Variants in EGFLAM observed in about 807,000 individuals in gnomAD.
EGFLAM encodes EGF like, fibronectin type III and laminin G domains, also known as pikachurin.
Under a neutral mutation model 113.1 loss-of-function variants are expected in EGFLAM, and 79 were observed. The ratio of observed to expected loss-of-function variants is 0.70; its 90% confidence interval spans 0.58 to 0.84. The LOEUF is 0.84. Ranked by LOEUF, EGFLAM falls within the 40% of genes least tolerant of loss-of-function variation. EGFLAM has a pLI of 0.00. For synonymous variants in EGFLAM, 504 were observed against 487.6 expected (o/e 1.03, Z -0.44); for missense variants, 1,265 against 1,291.6 (o/e 0.98, Z 0.32).
intron 13 of EGFLAM, 110 bp downstream of exon 13, chr5:38,425,202 A>G: frequency 2.0e-6 from 3 of 1,472,950 alleles, no homozygotes; most frequent in Non-Finnish European, 2.7e-6. Flanking sequence ...TTTTTGAGAC[A>G]AAGGCTCCCT....
chr5:38,274,840 T>C (rs1292231444), intron 1 of EGFLAM, among the ~76,000 whole-genome samples: 1 of 152,222 alleles, frequency 6.6e-6, no homozygotes, highest in Non-Finnish European at 1.5e-5. Context: ...ATAAATCACT[T>C]ACATCCTTAG....
chr5:38,400,968 C>T (rs1741095761), intron 6 of EGFLAM: 2 of 152,162 alleles, frequency 1.3e-5, no homozygotes, highest in Non-Finnish European at 2.9e-5. Flanking sequence ...CCTTCTTCTT[C>T]CGTACCCTAT....
chr5:38,283,299 A>C (rs985913057), intron 1 of EGFLAM, among the ~76,000 whole-genome samples: 2 of 152,084 alleles, frequency 1.3e-5, no homozygotes, highest in African/African-American at 4.8e-5. Context: ...GAAAAGCTTT[A>C]TTCATTTGTG....
At chr5:38,394,347 A>T (rs1429297962) in intron 6 of EGFLAM, among the ~76,000 whole-genome samples, 2 of 151,810 alleles carry the variant, frequency 1.3e-5, no homozygotes, top group African/African-American at 4.8e-5. Context: ...TTCAGTCCAA[A>T]TCAATTCCTT....
At chr5:38,454,370 G>GCA (rs10640654) in intron 19 of EGFLAM, among the ~76,000 whole-genome samples, 14,751 of 152,074 alleles carry the variant, frequency 0.097, 2,310 homozygotes, top group African/African-American at 0.33. Context: ...GTGGGCTCAT[G>GCA]AGTTACCTAA....
At chr5:38,399,663 C>T (rs1741054575) in intron 6 of EGFLAM, among the ~76,000 whole-genome samples, 1 of 152,184 alleles carries the variant, frequency 6.6e-6, no homozygotes, top group Non-Finnish European at 1.5e-5. Flanking sequence ...CTGTCCCCAC[C>T]TCTGTAGGCA....
chr5:38,335,527 A>G (rs1044322203), intron 1 of EGFLAM, among the ~76,000 whole-genome samples: 2 of 152,146 alleles, frequency 1.3e-5, no homozygotes, highest in East Asian at 1.9e-4. Context: ...AGAAACCAGA[A>G]AGGACTGATC....
intron 6 of EGFLAM, among the ~76,000 whole-genome samples, chr5:38,386,441 CT>C (rs1464683802): frequency 6.6e-6 from 1 of 152,240 alleles, no homozygotes; most frequent in African/African-American, 2.4e-5. Flanking sequence ...GACCCACCCG[CT>C]TTGACCTCAC....
intron 1 of EGFLAM, among the ~76,000 whole-genome samples, chr5:38,318,360 C>A (rs1738655037): frequency 6.7e-6 from 1 of 150,226 alleles, no homozygotes; most frequent in African/African-American, 2.5e-5. Flanking sequence ...AGATAGTATA[C>A]TATACTAACT....
At chr5:38,269,997 G>C (rs1408084184) in intron 1 of EGFLAM, among the ~76,000 whole-genome samples, 1 of 152,182 alleles carries the variant, frequency 6.6e-6, no homozygotes, top group East Asian at 1.9e-4. Flanking sequence ...TCATTGCTAT[G>C]TGCTTGAGTC....
chr5:38,329,714 C>T (rs1181367786), intron 1 of EGFLAM, among the ~76,000 whole-genome samples: 1 of 152,188 alleles, frequency 6.6e-6, no homozygotes, highest in Non-Finnish European at 1.5e-5. Context: ...ACCCTTTTCC[C>T]ATTCCCACTC....
intron 1 of EGFLAM, among the ~76,000 whole-genome samples, chr5:38,319,087 TC>T (rs1375335028): frequency 6.6e-6 from 1 of 152,134 alleles, no homozygotes; most frequent in East Asian, 1.9e-4. Flanking sequence ...CCTTGGCTTT[TC>T]CCCAGTTGTT....
In EGFLAM at chr5:38,353,786, G is replaced by T. The variant is rs1045750645; in HGVS notation, c.545+1455G>T. On this transcript the variant is annotated intron_variant, in intron 5 of 21. Coordinates refer to ENST00000322350, the MANE Select transcript of EGFLAM (RefSeq NM_152403.4). ...CTCCATGCGCCTCTCTGTTTTAGTG[G>T]CTTCATTTTAGATGGGCTTTTCCCA... 4.6e-5 allele frequency among the ~76,000 whole-genome samples: 7 copies of T among 152,182 alleles called. No homozygotes were observed. In the East Asian group the frequency reaches 1.3e-3, roughly 29 times the overall value.
At chr5:38,332,873 C>T (rs565662925) in intron 1 of EGFLAM, among the ~76,000 whole-genome samples, 9 of 152,268 alleles carry the variant, frequency 5.9e-5, no homozygotes, top group East Asian at 3.9e-4. Flanking sequence ...TCAGTGTGCG[C>T]GTCATAGCCA....
At chr5:38,435,071 C>T in intron 15 of EGFLAM, 66 bp from the exon 16 acceptor site, 1 of 1,378,868 alleles carries the variant, frequency 7.3e-7, no homozygotes, top group South Asian at 1.2e-5. Flanking sequence ...GAACTGAAGA[C>T]ACATTTGATC....
intron 1 of EGFLAM, among the ~76,000 whole-genome samples, chr5:38,329,520 T>C (rs146345625): frequency 1.8e-4 from 27 of 152,272 alleles, no homozygotes; most frequent in African/African-American, 6.0e-4. Context: ...CACTTCCAGC[T>C]GAGTGACTGG....
At chr5:38,406,339 T>G in intron 7 of EGFLAM, 98 bp downstream of exon 7, 1 of 1,022,628 alleles carries the variant, frequency 9.8e-7, no homozygotes. Context: ...ACTTAAAACT[T>G]AAATGTGCCC....
intron 1 of EGFLAM, among the ~76,000 whole-genome samples, chr5:38,278,286 A>G (rs913613933): frequency 6.6e-6 from 1 of 152,186 alleles, no homozygotes; most frequent in South Asian, 2.1e-4. Context: ...AACACTCATT[A>G]GGGAAAGGAT....
At chr5:38,326,054 G>T (rs922314739) in intron 1 of EGFLAM, among the ~76,000 whole-genome samples, 5 of 152,176 alleles carry the variant, frequency 3.3e-5, no homozygotes, top group African/African-American at 9.7e-5. Context: ...GAGTGTGTGT[G>T]AAGACAGCCT....
Sources: allele counts gnomAD v4.1 joint callset (sites outside exome capture counted in the v4.1 genomes callset), GRCh38; gene constraint gnomAD v4.1.1; transcripts MANE v1.5; gene names NCBI Gene and HGNC (gene_info 2026-07-23, HGNC 2026-07-21).